Variants in TNR observed in about 807,000 individuals in gnomAD.
TNR encodes tenascin R.
Under a neutral mutation model 150.4 loss-of-function variants are expected in TNR, and 45 were observed. The observed-to-expected ratio is 0.30, with a 90% CI of 0.24 to 0.38. TNR has a LOEUF of 0.38. Ranked by LOEUF, TNR falls within the 10% of genes least tolerant of loss-of-function variation. TNR has a pLI of 1.00. For missense variants in TNR, 1,544 were observed against 1,759.1 expected, an observed-to-expected ratio of 0.88 and a Z score of 2.19; for synonymous variants, 687 against 678.4, an observed-to-expected ratio of 1.01 and a Z score of -0.20.
At chr1:175,579,171 T>TCCTTCCTC (rs1662247256) in intron 1 of TNR, among the ~76,000 whole-genome samples, 2 of 143,678 alleles carry the variant, frequency 1.4e-5, no homozygotes, top group Admixed American at 6.8e-5. Context: ...CTTCTTTCCT[T>TCCTTCCTC]CCTTCCTTCC....
At chr1:175,377,709 T>C (rs965069444) in intron 9 of TNR, among the ~76,000 whole-genome samples, 3 of 152,168 alleles carry the variant, frequency 2.0e-5, no homozygotes, top group Non-Finnish European at 2.9e-5. Context: ...GGAGGAAAAC[T>C]GCTTTGATTA....
intron 1 of TNR, among the ~76,000 whole-genome samples, chr1:175,556,333 G>C (rs1294634005): frequency 6.6e-6 from 1 of 152,198 alleles, no homozygotes; most frequent in East Asian, 1.9e-4. Context: ...TGTCCATGAA[G>C]GACAAAGCAT....
At chr1:175,412,358 T>C (rs1164615110) in intron 2 of TNR, among the ~76,000 whole-genome samples, 3 of 152,148 alleles carry the variant, frequency 2.0e-5, no homozygotes, top group Non-Finnish European at 4.4e-5. Context: ...TTGAGATTAA[T>C]GTTTTCTCCA....
intron 1 of TNR, among the ~76,000 whole-genome samples, chr1:175,546,973 C>A (rs7518483): frequency 6.6e-6 from 1 of 152,184 alleles, no homozygotes. Context: ...AAGTGCCAGT[C>A]ACTTTCCCCC....
intron 1 of TNR, among the ~76,000 whole-genome samples, chr1:175,543,068 C>T (rs1021188168): frequency 2.0e-5 from 3 of 152,124 alleles, no homozygotes; most frequent in South Asian, 2.1e-4. Context: ...TTATAAATAA[C>T]GTTTGAACAC....
intron 18 of TNR, 33 bp from the exon 19 acceptor site, chr1:175,337,712 T>C (rs1266025884): frequency 6.2e-7 from 1 of 1,610,656 alleles, no homozygotes. Flanking sequence ...CCAGAAAGGA[T>C]TCTTTCTCTC....
chr1:175,451,905 C>T (rs564994200), intron 2 of TNR, among the ~76,000 whole-genome samples: 1 of 152,318 alleles, frequency 6.6e-6, no homozygotes, highest in Non-Finnish European at 1.5e-5. Flanking sequence ...CCAGCCAGGT[C>T]TTACCTGTCA....
intron 2 of TNR, among the ~76,000 whole-genome samples, chr1:175,451,218 A>ATTTTTTTTTTT (rs1402508268): frequency 2.9e-4 from 27 of 92,474 alleles, no homozygotes; most frequent in East Asian, 2.1e-3. Context: ...TTTTTTTTTA[A>ATTTTTTTTTTT]TGTTTTTATT....
chr1:175,534,356 G>T (rs1177679145), intron 1 of TNR, among the ~76,000 whole-genome samples: 3 of 152,238 alleles, frequency 2.0e-5, no homozygotes, highest in African/African-American at 7.2e-5. Flanking sequence ...TGGGACAGCT[G>T]AACATATGTC....
In TNR at chr1:175,515,023, C is replaced by A. The variant is rs980705084; in HGVS notation, c.-64+13246G>T. Among the ~76,000 whole-genome samples, 18 of 152,230 alleles carry A rather than the reference C, an allele frequency of 1.2e-4. No homozygotes were observed. In the South Asian group the frequency reaches 1.2e-3, roughly 11 times the overall value. On this transcript the variant is annotated intron_variant, in intron 2 of 22. Transcript: ENST00000367674. ...ATGGTGTCACTTACTGTGGGGAGAC[C>A]AACTCGTTCCGGGCCAAGTCTTCAC...
chr1:175,679,963 C>T (rs753577248), intron 1 of TNR, among the ~76,000 whole-genome samples: 5 of 152,092 alleles, frequency 3.3e-5, no homozygotes, highest in African/African-American at 7.2e-5. Context: ...CTGAGGGCCT[C>T]GAGGGAAGAC....
intron 1 of TNR, among the ~76,000 whole-genome samples, chr1:175,602,116 T>G (rs1663260330): frequency 7.3e-6 from 1 of 136,614 alleles, no homozygotes; most frequent in Non-Finnish European, 1.5e-5. Context: ...TTTAAATTGA[T>G]AATATAAATA....
chr1:175,419,710 G>A (rs542346912), intron 2 of TNR, among the ~76,000 whole-genome samples: 2 of 152,108 alleles, frequency 1.3e-5, no homozygotes, highest in East Asian at 1.9e-4. Flanking sequence ...TCAAACTCCT[G>A]ACCTCAGGTG....
At chr1:175,514,051 G>A (rs859354) in intron 2 of TNR, among the ~76,000 whole-genome samples, 4 of 152,200 alleles carry the variant, frequency 2.6e-5, no homozygotes, top group South Asian at 2.1e-4. Context: ...GAATAATGAC[G>A]CCTCAAAGAC....
intron 9 of TNR, among the ~76,000 whole-genome samples, chr1:175,377,358 T>G (rs1316410068): frequency 1.3e-5 from 2 of 152,194 alleles, no homozygotes; most frequent in Admixed American, 1.3e-4. Context: ...TCTGAACAGT[T>G]AGCCATCGAT....
intron 1 of TNR, 133 bp from the exon 2 acceptor site, chr1:175,528,502 C>G (rs1659938489): frequency 6.6e-6 from 1 of 152,190 alleles, no homozygotes; most frequent in Non-Finnish European, 1.5e-5. Context: ...ATTTCCAAAG[C>G]AAAGAAAATT....
At position 175,403,259 on chromosome 1, in the gene TNR, C is replaced by G; in HGVS notation, c.857G>C (p.Gly286Ala). ...CTGGCCGCAGTCCTCACCAACGTAG[C>G]CCTCCTCGCATAAACAGGTACCGTT... ...CANGTCLCEE[G>A]YVGEDCGQRQ... The change falls in exon 4 of 23, where the codon GGC becomes GCC. Residue 286 changes from glycine (G) to alanine (A), a missense_variant. Around this residue, in one of 2 missense-constraint regions of TNR, gnomAD observed 1,254 missense variants for 1,329.4 expected, o/e 0.94. Coordinates refer to ENST00000367674, the MANE Select transcript of TNR (RefSeq NM_003285.3). The G allele has an allele frequency of 6.2e-7, 1 of 1,614,170 alleles. No homozygotes were observed. The highest frequency in any genetic ancestry group is 1.3e-5 in the African/African-American group (1 of 75,032).
chr1:175,355,702 T>C (rs1183367182), intron 16 of TNR, 69 bp from the exon 17 acceptor site: 1 of 1,597,092 alleles, frequency 6.3e-7, no homozygotes, highest in East Asian at 2.2e-5. Context: ...ATTTCAGGTA[T>C]GGGTATCTGT....
At chr1:175,591,770 A>G (rs1009501075) in intron 1 of TNR, among the ~76,000 whole-genome samples, 1 of 152,220 alleles carries the variant, frequency 6.6e-6, no homozygotes, top group African/African-American at 2.4e-5. Flanking sequence ...GGTTCATGGT[A>G]GAATTATACT....
Sources: allele counts gnomAD v4.1 joint callset (sites outside exome capture counted in the v4.1 genomes callset), GRCh38; gene constraint gnomAD v4.1.1; regional missense constraint gnomAD v4.1.1; transcripts MANE v1.5; gene names NCBI Gene and HGNC (gene_info 2026-07-23, HGNC 2026-07-21).